LRRC4C: variants seen among roughly 807,000 people sequenced by gnomAD.
LRRC4C encodes leucine-rich repeat-containing protein 4C.
A neutral mutation model predicts 33.6 loss-of-function variants in LRRC4C; 5 were observed. The ratio of observed to expected loss-of-function variants is 0.15; its 90% confidence interval spans 0.08 to 0.31. LRRC4C has a LOEUF of 0.31. LRRC4C is among the 10% of genes least tolerant of loss of function. The pLI is 1.00. For synonymous variants in LRRC4C, 329 were observed against 302.0 expected (o/e 1.09, Z -0.93); for missense variants, 560 against 796.7 (o/e 0.70, Z 3.58).
intron 1 of LRRC4C, among the ~76,000 whole-genome samples, chr11:40,959,145 C>T (rs1471869730): frequency 1.3e-5 from 2 of 151,552 alleles, no homozygotes; most frequent in Non-Finnish European, 3.0e-5. Flanking sequence ...TTTGAGAAGC[C>T]TCTCGAGATG....
At chr11:40,843,665 A>G (rs1055705120) in intron 2 of LRRC4C, among the ~76,000 whole-genome samples, 10 of 152,332 alleles carry the variant, frequency 6.6e-5, no homozygotes, top group Admixed American at 6.5e-4. Context: ...TGTTCAAAAC[A>G]AGTTTATGCA....
In LRRC4C at chr11:40,324,822, T is replaced by C. The variant is rs1590319912; in HGVS notation, c.-269-5101A>G. 3.9e-5 allele frequency among the ~76,000 whole-genome samples: 6 copies of C among 152,318 alleles called. No individual in the cohort carries two copies. In the South Asian group the frequency reaches 1.2e-3, roughly 32 times the overall value. ...GACAGGGTTTCTTAACTGAAGAGCG[T>C]AAGCTTTGGATTGGGGATTCAAATC... On this transcript the variant is annotated intron_variant, in intron 3 of 6. Coordinates refer to ENST00000528697, the MANE Select transcript of LRRC4C (RefSeq NM_001258419.2).
intron 3 of LRRC4C, among the ~76,000 whole-genome samples, chr11:40,568,461 A>C (rs11035933): frequency 0.15 from 22,768 of 152,264 alleles, 2,009 homozygotes; most frequent in Admixed American, 0.23. Context: ...AGAAACTGTA[A>C]AATTTATTTA....
intron 3 of LRRC4C, among the ~76,000 whole-genome samples, chr11:40,361,838 C>A (rs993686277): frequency 6.6e-6 from 1 of 152,248 alleles, no homozygotes; most frequent in African/African-American, 2.4e-5. Flanking sequence ...AAGCTGGAGA[C>A]ATCATGCTAC....
intron 1 of LRRC4C, among the ~76,000 whole-genome samples, chr11:41,335,496 A>T (rs533249805): frequency 5.1e-4 from 77 of 152,282 alleles, no homozygotes; most frequent in Admixed American, 9.1e-4. Flanking sequence ...TGTAACATTA[A>T]CCATTGCCTG....
Position 40,276,932 on chromosome 11 carries a change from T to C in LRRC4C, c.-175-35334A>G, listed in dbSNP as rs114276366. 4.2e-3 allele frequency among the ~76,000 whole-genome samples: 634 copies of C among 152,154 alleles called. 9 individuals are homozygous for C. The highest frequency in any genetic ancestry group is 0.015 in the African/African-American group (607 of 41,538). On this transcript the variant is annotated intron_variant, in intron 4 of 6. Coordinates refer to ENST00000528697, the MANE Select transcript of LRRC4C (RefSeq NM_001258419.2). ...ATGGCAATTTTGTTTAGTACCTTCA[T>C]GGGAAAGGTGGCAATGACAGTATCC...
At chr11:40,249,362 T>A (rs1866596588) in intron 4 of LRRC4C, among the ~76,000 whole-genome samples, 1 of 151,372 alleles carries the variant, frequency 6.6e-6, no homozygotes, top group Non-Finnish European at 1.5e-5. Flanking sequence ...TAAATAATAA[T>A]CTCTTGGCTG....
chr11:41,143,290 A>T (rs912589804), intron 1 of LRRC4C, among the ~76,000 whole-genome samples: 2 of 143,828 alleles, frequency 1.4e-5, no homozygotes, highest in East Asian at 4.5e-4. Flanking sequence ...TTTTTAAAAA[A>T]TAAATTTTCC....
chr11:40,573,359 A>G (rs989972224), intron 3 of LRRC4C, among the ~76,000 whole-genome samples: 4 of 152,144 alleles, frequency 2.6e-5, no homozygotes, highest in Admixed American at 6.6e-5. Context: ...TCATATGTTC[A>G]TCCTTTATAG....
At chr11:40,502,459 A>G (rs190916324) in intron 3 of LRRC4C, among the ~76,000 whole-genome samples, 1 of 152,304 alleles carries the variant, frequency 6.6e-6, no homozygotes, top group Non-Finnish European at 1.5e-5. Context: ...GGGAAGCCTC[A>G]CAATCATGGT....
At chr11:40,662,663 C>T (rs1041019647) in intron 2 of LRRC4C, among the ~76,000 whole-genome samples, 2 of 152,130 alleles carry the variant, frequency 1.3e-5, no homozygotes, top group Admixed American at 1.3e-4. Flanking sequence ...TGTCTAAGTG[C>T]AGTAGTGGTA....
At position 40,134,874 on chromosome 11, in the gene LRRC4C, G is replaced by A. The variant is rs149282581; in HGVS notation, c.-43+5927C>T. Among the ~76,000 whole-genome samples, 346 of 152,222 alleles carry A rather than the reference G, an allele frequency of 2.3e-3. 3 individuals carry two copies. Among genetic ancestry groups the A allele is most frequent in the African/African-American group, 7.8e-3 (325 of 41,532 alleles). On this transcript the variant is annotated intron_variant, in intron 6 of 6. Coordinates refer to ENST00000528697, the MANE Select transcript of LRRC4C (RefSeq NM_001258419.2). ...TCCCACTGAATATCTCAGACCCACT[G>A]CTTTCCAGTTTTCAGCATGACTTAA...
chr11:40,439,269 T>A (rs1253310580), intron 3 of LRRC4C, among the ~76,000 whole-genome samples: 2 of 151,270 alleles, frequency 1.3e-5, no homozygotes, highest in Non-Finnish European at 2.9e-5. Flanking sequence ...ACTGATAGAA[T>A]GGTCAAGGGC....
At chr11:40,925,595 G>A (rs1957380640) in intron 2 of LRRC4C, among the ~76,000 whole-genome samples, 1 of 152,042 alleles carries the variant, frequency 6.6e-6, no homozygotes, top group Non-Finnish European at 1.5e-5. Flanking sequence ...TATTCCTCCA[G>A]GTAGAATAGA....
chr11:40,895,419 A>G (rs1247321262), intron 2 of LRRC4C, among the ~76,000 whole-genome samples: 2 of 152,132 alleles, frequency 1.3e-5, no homozygotes, highest in African/African-American at 2.4e-5. Flanking sequence ...TCACAGAAAC[A>G]TTATAGTAAC....
intron 2 of LRRC4C, among the ~76,000 whole-genome samples, chr11:40,879,122 C>G (rs546512698): frequency 1.3e-5 from 2 of 152,316 alleles, no homozygotes; most frequent in African/African-American, 4.8e-5. Context: ...AGTCTCCACT[C>G]ATGTGCTCCA....
intron 1 of LRRC4C, among the ~76,000 whole-genome samples, chr11:41,018,564 G>A (rs1299233865): frequency 6.6e-6 from 1 of 152,064 alleles, no homozygotes; most frequent in Non-Finnish European, 1.5e-5. Flanking sequence ...ATTATTTTGA[G>A]CAGAAGAAAC....
chr11:40,765,240 C>T (rs1949395329), intron 2 of LRRC4C, among the ~76,000 whole-genome samples: 1 of 152,122 alleles, frequency 6.6e-6, no homozygotes, highest in Non-Finnish European at 1.5e-5. Context: ...ATTGGTGCCA[C>T]TCTTGTAATT....
intron 2 of LRRC4C, among the ~76,000 whole-genome samples, chr11:40,926,028 C>G (rs1957394555): frequency 6.6e-6 from 1 of 151,608 alleles, no homozygotes; most frequent in Non-Finnish European, 1.5e-5. Flanking sequence ...ATAACACCTG[C>G]TAAAAGGTGT....
Sources: allele counts gnomAD v4.1 joint callset (sites outside exome capture counted in the v4.1 genomes callset), GRCh38; gene constraint gnomAD v4.1.1; transcripts MANE v1.5; gene names NCBI Gene and HGNC (gene_info 2026-07-23, HGNC 2026-07-21).